PTPRD: variants seen among roughly 807,000 people sequenced by gnomAD.
The protein encoded by PTPRD is receptor-type tyrosine-protein phosphatase delta.
A neutral mutation model predicts 214.5 loss-of-function variants in PTPRD; 34 were observed. The ratio of observed to expected loss-of-function variants is 0.16; its 90% CI spans 0.12 to 0.21. PTPRD has a LOEUF of 0.21. PTPRD is among the 10% of genes least tolerant of loss of function. The pLI, the probability that PTPRD is intolerant of heterozygous loss-of-function variation, is 1.00. For missense variants in PTPRD, 2,545 were observed against 2,398.7 expected, an observed-to-expected ratio of 1.06 and a Z score of -1.27; for synonymous variants, 1,128 against 845.7, an observed-to-expected ratio of 1.33 and a Z score of -5.79.
intron 9 of PTPRD, among the ~76,000 whole-genome samples, chr9:9,233,975 G>T (rs1473373207): frequency 6.6e-6 from 1 of 152,148 alleles, no homozygotes; most frequent in East Asian, 1.9e-4. Context: ...TCTGGAGGAT[G>T]ATGGCCCTTT....
chr9:10,346,831 G>A (rs2097092559), intron 2 of PTPRD, among the ~76,000 whole-genome samples: 1 of 152,278 alleles, frequency 6.6e-6, no homozygotes, highest in African/African-American at 2.4e-5. Context: ...CACAGAACAT[G>A]TGATTTGTCA....
rs115724069 is a variant in PTPRD at position 9,808,874 on chromosome 9, C to A, written c.-367-42023G>T. Among the ~76,000 whole-genome samples, 1,287 of 152,172 alleles carry A rather than the reference C, an allele frequency of 8.5e-3. 21 individuals are homozygous for A. Among genetic ancestry groups the A allele is most frequent in the African/African-American group, 0.03 (1,228 of 41,524 alleles). On this transcript the variant is annotated intron_variant, in intron 5 of 45. Coordinates refer to ENST00000381196, the MANE Select transcript of PTPRD (RefSeq NM_002839.4). ...GAAACCTCAAACTCCTGGGCTCAAG[C>A]TATCTTCCCACCTTACCTCCTGAGC...
intron 6 of PTPRD, among the ~76,000 whole-genome samples, chr9:9,752,546 C>T (rs560753221): frequency 4.0e-5 from 6 of 151,766 alleles, no homozygotes; most frequent in African/African-American, 4.8e-5. Flanking sequence ...TTTAGAATCC[C>T]GTGGAGCTTT....
intron 2 of PTPRD, among the ~76,000 whole-genome samples, chr9:10,420,580 G>T (rs1361899522): frequency 1.3e-5 from 2 of 151,752 alleles, no homozygotes; most frequent in African/African-American, 4.8e-5. Context: ...AGATTAAAGG[G>T]CCAGGAGTAA....
At chr9:8,523,547 T>C (rs759322835) in intron 18 of PTPRD, 23 bp from the exon 19 acceptor site, 69 of 1,612,596 alleles carry the variant, frequency 4.3e-5, no homozygotes, top group Non-Finnish European at 5.6e-5. Context: ...GGGGGTTTGA[T>C]GCAGAACACA....
chr9:8,663,776 C>G (rs1200623441), intron 12 of PTPRD, among the ~76,000 whole-genome samples: 1 of 151,988 alleles, frequency 6.6e-6, no homozygotes, highest in Admixed American at 6.6e-5. Flanking sequence ...CAGGTGTGAG[C>G]CACTGTGCCC....
At chr9:9,160,018 G>C (rs774737348) in intron 10 of PTPRD, among the ~76,000 whole-genome samples, 5 of 152,098 alleles carry the variant, frequency 3.3e-5, no homozygotes, top group Non-Finnish European at 7.4e-5. Flanking sequence ...GAATGACACT[G>C]TATCTTTATC....
intron 11 of PTPRD, chr9:8,861,736 G>A (rs1465987802): frequency 1.3e-5 from 2 of 152,166 alleles, no homozygotes; most frequent in Non-Finnish European, 2.9e-5. Context: ...TGTTTTCTTT[G>A]TGAGGACTAC....
intron 11 of PTPRD, among the ~76,000 whole-genome samples, chr9:8,781,266 G>T (rs987952167): frequency 6.6e-6 from 1 of 152,158 alleles, no homozygotes; most frequent in African/African-American, 2.4e-5. Flanking sequence ...TTAAGAGTCA[G>T]GGGGCTGCTC....
chr9:9,631,268 A>C (rs952373814), intron 7 of PTPRD, among the ~76,000 whole-genome samples: 90 of 151,750 alleles, frequency 5.9e-4, no homozygotes, highest in Non-Finnish European at 1.1e-3. Context: ...CTCTGGGTGG[A>C]GTATAGACTC....
intron 2 of PTPRD, among the ~76,000 whole-genome samples, chr9:10,592,455 G>C (rs1233948456): frequency 6.6e-6 from 1 of 151,970 alleles, no homozygotes; most frequent in Non-Finnish European, 1.5e-5. Context: ...TTGAAGGACA[G>C]AACATTACAG....
At chr9:8,781,638 A>C (rs2095702164) in intron 11 of PTPRD, among the ~76,000 whole-genome samples, 1 of 133,044 alleles carries the variant, frequency 7.5e-6, no homozygotes, top group Non-Finnish European at 1.6e-5. Flanking sequence ...AATATTTTGC[A>C]ATAATGGACT....
chr9:9,136,689 G>C (rs1224605122), intron 10 of PTPRD, among the ~76,000 whole-genome samples: 4 of 152,068 alleles, frequency 2.6e-5, no homozygotes, highest in Non-Finnish European at 4.4e-5. Flanking sequence ...TTTTCAAAGA[G>C]GGCAGCAGTT....
chr9:10,018,534 A>ATTTTTT (rs1567125411), intron 4 of PTPRD, among the ~76,000 whole-genome samples: 15 of 63,708 alleles, frequency 2.4e-4, no homozygotes, highest in South Asian at 5.8e-4. Flanking sequence ...TAAGAATTAC[A>ATTTTTT]TTTCTTTTTT....
chr9:10,568,396 T>G (rs1179783656), intron 2 of PTPRD, among the ~76,000 whole-genome samples: 1 of 152,058 alleles, frequency 6.6e-6, no homozygotes, highest in East Asian at 1.9e-4. Flanking sequence ...TTCCAAGTCT[T>G]TGCTATTGTG....
At chr9:10,426,847 G>A (rs1231229798) in intron 2 of PTPRD, among the ~76,000 whole-genome samples, 1 of 152,024 alleles carries the variant, frequency 6.6e-6, no homozygotes, top group Non-Finnish European at 1.5e-5. Context: ...CTGCTCTTGT[G>A]TCCACAGGTT....
At chr9:9,030,266 C>T (rs543026633) in intron 10 of PTPRD, among the ~76,000 whole-genome samples, 28 of 130,096 alleles carry the variant, frequency 2.2e-4, no homozygotes, top group South Asian at 5.0e-4. Flanking sequence ...TCACATGGGC[C>T]ACACTTGGGC....
At chr9:9,884,746 A>G (rs2070172014) in intron 5 of PTPRD, among the ~76,000 whole-genome samples, 1 of 152,066 alleles carries the variant, frequency 6.6e-6, no homozygotes, top group African/African-American at 2.4e-5. Flanking sequence ...GATAGTGAGT[A>G]AGTTTTCATG....
At chr9:9,500,329 T>C (rs2096367084) in intron 8 of PTPRD, among the ~76,000 whole-genome samples, 1 of 152,124 alleles carries the variant, frequency 6.6e-6, no homozygotes, top group African/African-American at 2.4e-5. Context: ...CACTGGACGA[T>C]ATGCATTCCA....
Sources: gnomAD v4.1 joint callset for allele counts (sites outside exome capture counted in the v4.1 genomes callset) on GRCh38, gnomAD v4.1.1 for gene constraint, MANE v1.5 for transcripts, NCBI Gene and HGNC (gene_info 2026-07-23, HGNC 2026-07-21) for gene names.